Variants in BRCA2 observed in about 807,000 individuals in gnomAD.
BRCA2 encodes BRCA2 DNA repair associated.
A neutral mutation model predicts 276.7 loss-of-function variants in BRCA2; 203 were observed. That is an observed-to-expected ratio of 0.73 (90% confidence interval 0.65 to 0.82). The LOEUF is 0.82. BRCA2 is among the 40% of genes least tolerant of loss of function. The probability of loss-of-function intolerance (pLI) is 0.00; values close to 1 mark genes in which losing one functional copy is unlikely to be tolerated. For synonymous variants in BRCA2, 1,289 were observed against 1,338.4 expected, an observed-to-expected ratio of 0.96 and a Z score of 0.81; for missense variants, 3,920 against 3,915.0, an observed-to-expected ratio of 1.00 and a Z score of -0.03.
Position 32,339,745 on chromosome 13 carries a change from C to G in BRCA2, c.5390C>G (p.Ala1797Gly), listed in dbSNP as rs80358760. The G allele has an allele frequency of 7.4e-6, 12 of 1,613,668 alleles. No individual in the cohort carries two copies. Among genetic ancestry groups the G allele is most frequent in the Non-Finnish European group, 1.0e-5 (12 of 1,179,822 alleles). ...FSKVISNVKD[A>G]NAYPQTVNED... The stretch of plus-strand genomic sequence containing the variant: ...AAAGTAATATCCAATGTAAAAGATG[C>G]AAATGCATACCCACAAACTGTAAAT... The change falls in exon 11 of 27, where the codon GCA becomes GGA. Residue 1797 changes from alanine (A) to glycine (G), a missense_variant. This residue lies in a region of BRCA2 where 3,263 missense variants were observed against 3,156.9 expected (regional missense o/e 1.03). Coordinates refer to ENST00000380152, the MANE Select transcript of BRCA2 (RefSeq NM_000059.4).
Position 32,340,241 on chromosome 13 carries a change from A to G in BRCA2, c.5886A>G (p.Ile1962Met), listed in dbSNP as rs987442188. 1.2e-6 allele frequency: 2 copies of G among 1,614,050 alleles called. No individual in the cohort carries two copies. Among genetic ancestry groups the G allele is most frequent in the Non-Finnish European group, 1.7e-6 (2 of 1,179,922 alleles). Reference sequence around the variant, plus strand: ...CTTCAGATATATGTAAATGTAGTATAGGGAAGCTTCATAAGTCAGTCTCAT... The same window carrying G: ...CTTCAGATATATGTAAATGTAGTATGGGGAAGCTTCATAAGTCAGTCTCAT... ...LETSDICKCS[I>M]GKLHKSVSSA... The change falls in exon 11 of 27, where the codon ATA (isoleucine) becomes ATG (methionine). Residue 1962 changes from isoleucine to methionine, a missense_variant. This residue lies in a region of BRCA2 where 3,263 missense variants were observed against 3,156.9 expected (regional missense o/e 1.03). Coordinates refer to ENST00000380152, the MANE Select transcript of BRCA2 (RefSeq NM_000059.4).
At position 32,386,560 on chromosome 13, in the gene BRCA2, A is replaced by G. The variant is rs186228399; in HGVS notation, c.9256+6415A>G. On this transcript the variant is annotated intron_variant, in intron 24 of 26. Transcript: ENST00000380152. ...AATTAATGAATCAATGTGTGTGTGC[A>G]TGTAAGAAAAACCATTTGTATGAAG... 0.015 allele frequency among the ~76,000 whole-genome samples: 2,161 copies of G among 144,314 alleles called. 53 individuals carry two copies. The highest frequency in any genetic ancestry group is 0.051 in the African/African-American group (2,047 of 40,126). The allele number at this position is 144,314 out of a possible 152,430, so 94.7% of individuals were successfully genotyped here. A position where few individuals can be genotyped will look rare whatever the true frequency, so the allele number is the denominator to read the frequency against.
Position 32,379,343 on chromosome 13 carries a change from A to G in BRCA2, c.8781A>G (p.Arg2927=), listed in dbSNP as rs1316473862. The change falls in exon 22 of 27, where the codon AGA becomes AGG. Residue 2927 remains arginine, a synonymous_variant. Coordinates refer to ENST00000380152, the MANE Select transcript of BRCA2 (RefSeq NM_000059.4). Reference sequence around the variant, plus strand: ...GTTATTTCAGTGAAGAGCAGTTAAGAGCCTTGAATAATCACAGGCAAATGT... The same window carrying G: ...GTTATTTCAGTGAAGAGCAGTTAAGGGCCTTGAATAATCACAGGCAAATGT... ...LEGYFSEEQL[R]ALNNHRQMLN... 1.2e-6 allele frequency: 2 copies of G among 1,613,818 alleles called. No homozygotes were observed. Among genetic ancestry groups the G allele is most frequent in the South Asian group, 2.2e-5 (2 of 91,054 alleles).
chr13:32,383,794 A>G (rs1179185705), intron 24 of BRCA2, among the ~76,000 whole-genome samples: 1 of 152,194 alleles, frequency 6.6e-6, no homozygotes, highest in Non-Finnish European at 1.5e-5. Context: ...TGAACTGGGC[A>G]GATCAAAGGT....
At chr13:32,317,700 G>A (rs1195358332) in intron 2 of BRCA2, among the ~76,000 whole-genome samples, 1 of 152,162 alleles carries the variant, frequency 6.6e-6, no homozygotes, top group African/African-American at 2.4e-5. Flanking sequence ...TTTAAGATTG[G>A]GTAGAAATGA....
Position 32,338,375 on chromosome 13 carries a change from T to G in BRCA2, c.4020T>G (p.Asp1340Glu), listed in dbSNP as rs1555283508. Reference protein sequence around the residue: ...NSHNLEFDGSDSSKNDTVCIH... With the variant: ...NSHNLEFDGSESSKNDTVCIH... ...ATAACTTAGAATTTGATGGCAGTGATTCAAGTAAAAATGATACTGTTTGTA... is the reference window on the plus strand; with the variant it reads ...ATAACTTAGAATTTGATGGCAGTGAGTCAAGTAAAAATGATACTGTTTGTA... The change falls in exon 11 of 27, where the codon GAT becomes GAG. Residue 1340 changes from aspartate to glutamate, a missense_variant. Transcript: ENST00000380152. 1 of 1,591,186 alleles carries G rather than the reference T, an allele frequency of 6.3e-7. No homozygotes were observed. The highest frequency in any genetic ancestry group is 2.2e-5 in the East Asian group (1 of 44,566).
chr13:32,328,037 C>T (rs1380876667), intron 7 of BRCA2, among the ~76,000 whole-genome samples: 1 of 151,944 alleles, frequency 6.6e-6, no homozygotes, highest in Non-Finnish European at 1.5e-5. Flanking sequence ...ACCACACCCA[C>T]CTGTGACCAT....
chr13:32,383,464 G>A (rs1593195039), intron 24 of BRCA2, among the ~76,000 whole-genome samples: 1 of 152,318 alleles, frequency 6.6e-6, no homozygotes. Flanking sequence ...CATCATGACT[G>A]CCAGGGCCCA....
rs1064795008 is a variant in BRCA2, at chr13:32,326,081, T to G, written c.426-20T>G. 6.2e-7 allele frequency: 1 copy of G among 1,600,228 alleles called. No individual in the cohort carries two copies. The highest frequency in any genetic ancestry group is 8.5e-7 in the Non-Finnish European group (1 of 1,171,002). ...CAGTTTTTTAAAATAACCTAAGGGA[T>G]TTGCTTTGTTTTATTTTAGTCCTGT... is the stretch of plus-strand genomic sequence containing the variant. On this transcript the variant is annotated intron_variant, in intron 4 of 26. Transcript: ENST00000380152.
At chr13:32,393,604 C>T (rs576963124) in intron 24 of BRCA2, among the ~76,000 whole-genome samples, 2 of 151,998 alleles carry the variant, frequency 1.3e-5, no homozygotes, top group East Asian at 3.9e-4. Context: ...TTATATGTTC[C>T]CTGCCCTAGT....
intron 24 of BRCA2, among the ~76,000 whole-genome samples, chr13:32,391,009 C>T (rs1231275535): frequency 1.3e-5 from 2 of 152,184 alleles, no homozygotes; most frequent in Non-Finnish European, 2.9e-5. Flanking sequence ...CTTATACTTT[C>T]AGGCCCTAAA....
At position 32,370,944 on chromosome 13, in the gene BRCA2, A is replaced by ACAT; in HGVS notation, c.8488-11_8488-9dup. The ACAT allele has an allele frequency of 6.2e-7, 1 of 1,614,050 alleles. No individual in the cohort carries two copies. Among genetic ancestry groups the ACAT allele is most frequent in the Non-Finnish European group, 8.5e-7 (1 of 1,179,936 alleles). Reference sequence around the variant, plus strand: ...ATGTGACTTTTTTGGTGTGTGTAACACATTATTACAGTGGATGGAGAAGAC... The same window carrying ACAT: ...ATGTGACTTTTTTGGTGTGTGTAACACATCATTATTACAGTGGATGGAGAAGAC... On this transcript the variant is annotated splice_polypyrimidine_tract_variant and intron_variant, in intron 19 of 26. Transcript: ENST00000380152.
Position 32,351,878 on chromosome 13 carries a change from T to C in BRCA2, c.7008-2983T>C, listed in dbSNP as rs561173688. Among the ~76,000 whole-genome samples, 264 of 152,290 alleles carry C rather than the reference T, an allele frequency of 1.7e-3. 1 individual carries two copies. Among genetic ancestry groups the C allele is most frequent in the African/African-American group, 6.0e-3 (249 of 41,552 alleles). ...GTACAGTGGCACGATCTTGGCTCAC[T>C]GCAACCTCTGCCTCCTAGGTTCAAG... On this transcript the variant is annotated intron_variant, in intron 13 of 26. Coordinates refer to ENST00000380152, the MANE Select transcript of BRCA2 (RefSeq NM_000059.4).
intron 21 of BRCA2, among the ~76,000 whole-genome samples, chr13:32,377,834 T>C (rs1480607834): frequency 6.6e-6 from 1 of 152,218 alleles, no homozygotes; most frequent in Non-Finnish European, 1.5e-5. Flanking sequence ...AATTGATTAA[T>C]TTCATTCACT....
intron 3 of BRCA2, among the ~76,000 whole-genome samples, chr13:32,322,198 A>G (rs2072310437): frequency 6.6e-6 from 1 of 152,142 alleles, no homozygotes; most frequent in South Asian, 2.1e-4. Context: ...TACTGTCTGT[A>G]TAGTTTTGCC....
chr13:32,332,956 C>T lies in BRCA2; in HGVS notation c.1478C>T (p.Pro493Leu), dbSNP rs786202916. Residue 493 changes from proline to leucine, a missense_variant, in exon 10 of 27, where the codon CCA becomes CTA. Pro to Leu is a moderately conservative substitution (Grantham distance 98). Coordinates refer to ENST00000380152, the MANE Select transcript of BRCA2 (RefSeq NM_000059.4). ...AVKQAISGTSPVASSFQGIKK... is the reference protein window; with the variant it reads ...AVKQAISGTSLVASSFQGIKK... ...AAGCAGGCAATATCTGGAACTTCTC[C>T]AGTGGCTTCTTCATTTCAGGGTATC... 2.5e-6 allele frequency: 4 copies of T among 1,602,706 alleles called. No homozygotes were observed. Among genetic ancestry groups the T allele is most frequent in the East Asian group, 2.2e-5 (1 of 44,818 alleles).
At chr13:32,335,174 T>C (rs764323765) in intron 10 of BRCA2, among the ~76,000 whole-genome samples, 4 of 151,914 alleles carry the variant, frequency 2.6e-5, no homozygotes, top group Non-Finnish European at 5.9e-5. Flanking sequence ...TAAAACCCCA[T>C]CTCTATGAAA....
At chr13:32,385,415 TTGTCTTTGGATA>T (rs958040568) in intron 24 of BRCA2, 120 of 214,444 alleles carry the variant, frequency 5.6e-4, no homozygotes, top group African/African-American at 1.9e-3. Context: ...ATGCAGACCT[TTGTCTTTGGATA>T]TGTCTTTGGA....
At position 32,333,108 on chromosome 13, in the gene BRCA2, A is replaced by G. The variant is rs80358447; in HGVS notation, c.1630A>G (p.Thr544Ala). 6 of 1,613,886 alleles carry G rather than the reference A, an allele frequency of 3.7e-6. No homozygotes were observed. Among genetic ancestry groups the G allele is most frequent in the South Asian group, 1.1e-5 (1 of 90,984 alleles). Residue 544 changes from threonine (T) to alanine (A), a missense_variant, in exon 10 of 27, where the codon ACT becomes GCT. Physicochemically the swap from Thr to Ala is moderately conservative, Grantham distance 58 (BLOSUM62 0). Coordinates refer to ENST00000380152, the MANE Select transcript of BRCA2 (RefSeq NM_000059.4). ...EASESGLEIHTVCSQKEDSLC... is the reference protein window; with the variant it reads ...EASESGLEIHAVCSQKEDSLC... Reference sequence around the variant, plus strand: ...CTCTGAAAGTGGACTGGAAATACATACTGTTTGCTCACAGAAGGAGGACTC... The same window carrying G: ...CTCTGAAAGTGGACTGGAAATACATGCTGTTTGCTCACAGAAGGAGGACTC...
Sources: gnomAD v4.1 joint callset for allele counts (sites outside exome capture counted in the v4.1 genomes callset) on GRCh38, gnomAD v4.1.1 for gene constraint, gnomAD v4.1.1 regional missense constraint, MANE v1.5 for transcripts, NCBI Gene and HGNC (gene_info 2026-07-23, HGNC 2026-07-21) for gene names.